ATXN10: variants seen among roughly 807,000 people sequenced by gnomAD.
ATXN10 encodes ataxin-10.
In ATXN10, 28 loss-of-function variants were observed where a neutral mutation model predicts 52.9. The ratio of observed to expected loss-of-function variants is 0.53; its 90% CI spans 0.39 to 0.73. The LOEUF (loss-of-function observed/expected upper bound fraction) is 0.73. Ranked by LOEUF, ATXN10 falls within the 30% of genes least tolerant of loss-of-function variation. The pLI, the probability that ATXN10 is intolerant of heterozygous loss-of-function variation, is 0.00. For synonymous variants in ATXN10, 226 were observed against 221.5 expected, an observed-to-expected ratio of 1.02 and a Z score of -0.18; for missense variants, 565 against 577.0, an observed-to-expected ratio of 0.98 and a Z score of 0.21.
intron 9 of ATXN10, among the ~76,000 whole-genome samples, chr22:45,761,944 G>A (rs1926406519): frequency 6.6e-6 from 1 of 152,186 alleles, no homozygotes; most frequent in African/African-American, 2.4e-5. Flanking sequence ...CTGGGATGAA[G>A]TAGTTGTGGT....
chr22:45,809,115 C>T (rs1234441839), intron 10 of ATXN10, among the ~76,000 whole-genome samples: 1 of 152,122 alleles, frequency 6.6e-6, no homozygotes, highest in Non-Finnish European at 1.5e-5. Flanking sequence ...GCCTTACAGC[C>T]TAGAGATTCA....
chr22:45,799,214 G>A (rs1331830089), intron 9 of ATXN10, among the ~76,000 whole-genome samples: 1 of 152,100 alleles, frequency 6.6e-6, no homozygotes, highest in African/African-American at 2.4e-5. Context: ...GGGATTACAG[G>A]CGCCTGCCAC....
At chr22:45,736,336 T>A (rs1925294837) in intron 7 of ATXN10, among the ~76,000 whole-genome samples, 2 of 151,828 alleles carry the variant, frequency 1.3e-5, no homozygotes, top group Non-Finnish European at 1.5e-5. Context: ...AGATAAGGAG[T>A]TTTCAGACAC....
At chr22:45,779,171 A>G (rs1018538223) in intron 9 of ATXN10, among the ~76,000 whole-genome samples, 11 of 152,176 alleles carry the variant, frequency 7.2e-5, no homozygotes, top group Non-Finnish European at 1.3e-4. Flanking sequence ...CCCTTTCATA[A>G]TGAAGCAACA....
At chr22:45,706,255 C>T (rs979963630) in intron 5 of ATXN10, among the ~76,000 whole-genome samples, 3 of 152,056 alleles carry the variant, frequency 2.0e-5, no homozygotes, top group Non-Finnish European at 4.4e-5. Context: ...TAGGAATGTC[C>T]CCTCTTCATT....
rs1012020071 is a variant in ATXN10 at position 45,671,933 on chromosome 22, G to A, written c.-131G>A. 8 of 1,047,242 alleles carry A rather than the reference G, an allele frequency of 7.6e-6. No homozygotes were observed. Among genetic ancestry groups the A allele is most frequent in the African/African-American group, 6.6e-5 (4 of 61,036 alleles). The allele number at this position is 1,047,242 out of a possible 1,614,324, so 64.9% of individuals were successfully genotyped here. On this transcript the variant is annotated 5_prime_UTR_variant, in exon 1 of 12. Transcript: ENST00000252934. ...AGCGCGGGCTGCAGCGGCGGCGGCG[G>A]TTAGGGCTGTGTAGGGCGAGGCCTC...
rs1465393661 is a variant in ATXN10, at chr22:45,818,631, G to GATCAGGT, written c.1237+11615_1237+11616insTATCAGG. On this transcript the variant is annotated intron_variant, in intron 10 of 11. Coordinates refer to ENST00000252934, the MANE Select transcript of ATXN10 (RefSeq NM_013236.4). This position sits in a 1 kb window ranked among gnomAD's most constrained non-coding sequence, Gnocchi z 4.6. ...TCAGGGATCAACAGCCTGGGGCAGG[G>GATCAGGT]ATCAGGGATCAGGGGGCAGGGATCA... Among the ~76,000 whole-genome samples the GATCAGGT allele has an allele frequency of 1.3e-5, 2 of 152,054 alleles. No individual in the cohort carries two copies. Among genetic ancestry groups the GATCAGGT allele is most frequent in the African/African-American group, 4.8e-5 (2 of 41,404 alleles).
At chr22:45,792,914 A>G (rs1373696996) in intron 9 of ATXN10, 6 of 439,456 alleles carry the variant, frequency 1.4e-5, no homozygotes, top group Admixed American at 7.7e-5. Flanking sequence ...TTATACCTAC[A>G]TAGGGAGCCA....
Position 45,712,617 on chromosome 22 carries a change from G to A in ATXN10, c.648-5796G>A, listed in dbSNP as rs772576299. 8.5e-5 allele frequency among the ~76,000 whole-genome samples: 13 copies of A among 152,286 alleles called. No individual in the cohort carries two copies. Among genetic ancestry groups the A allele is most frequent in the South Asian group, 2.1e-4 (1 of 4,820 alleles). ...TAGAGGACGACATTAAAGGAAGGGT[G>A]GCTGGGATGTGCGTGTGTGTAATAC... On this transcript the variant is annotated intron_variant, in intron 5 of 11. Coordinates refer to ENST00000252934, the MANE Select transcript of ATXN10 (RefSeq NM_013236.4). The surrounding 1 kb of genome is among the most constrained non-coding windows in gnomAD (Gnocchi z 4.6).
Position 45,786,246 on chromosome 22 carries a change from A to G in ATXN10, c.1174-20713A>G, listed in dbSNP as rs535771265. On this transcript the variant is annotated intron_variant, in intron 9 of 11. Coordinates refer to ENST00000252934, the MANE Select transcript of ATXN10 (RefSeq NM_013236.4). This position sits in a 1 kb window ranked among gnomAD's most constrained non-coding sequence, Gnocchi z 4.1. The stretch of plus-strand genomic sequence containing the variant: ...TACTTTAAGAGCCTCTGCCATTACT[A>G]TTCTTGAAAAGCATCTTTATTTTGT... Among the ~76,000 whole-genome samples the G allele has an allele frequency of 1.4e-3, 214 of 152,340 alleles. 6 individuals are homozygous for G. Among genetic ancestry groups the G allele is most frequent in the Non-Finnish European group, 1.8e-4 (12 of 68,032 alleles).
Position 45,769,129 on chromosome 22 carries a change from T to C in ATXN10, c.1173+28591T>C, listed in dbSNP as rs1477855183. Among the ~76,000 whole-genome samples the C allele has an allele frequency of 6.6e-6, 1 of 152,098 alleles. No homozygotes were observed. On this transcript the variant is annotated intron_variant, in intron 9 of 11. Transcript: ENST00000252934. The surrounding 1 kb of genome is among the most constrained non-coding windows in gnomAD (Gnocchi z 4.2). ...CCTCTCTCTGTACTTTGTGGTGTGT[T>C]TGGAAATTTTCATTTAAAAAAATGG... is the stretch of plus-strand genomic sequence containing the variant.
At position 45,693,063 on chromosome 22, in the gene ATXN10, G is replaced by A; in HGVS notation, c.376G>A (p.Glu126Lys). The A allele has an allele frequency of 6.2e-7, 1 of 1,613,754 alleles. No homozygotes were observed. The highest frequency in any genetic ancestry group is 8.5e-7 in the Non-Finnish European group (1 of 1,179,696). Residue 126 changes from glutamate (E) to lysine (K), a missense_variant, in exon 3 of 12, where the codon GAA becomes AAA. Coordinates refer to ENST00000252934, the MANE Select transcript of ATXN10 (RefSeq NM_013236.4). ...GTTTCGTGAACTGCGAGTGGAACAG[G>A]AATCTCTGTTGACAGGTAGCATGCA... ...LLFRELRVEQ[E>K]SLLTAFRCGL...
intron 3 of ATXN10, among the ~76,000 whole-genome samples, chr22:45,699,459 G>T (rs1353780739): frequency 2.1e-5 from 3 of 141,406 alleles, no homozygotes; most frequent in Non-Finnish European, 3.1e-5. Context: ...AAAATATTCA[G>T]TAGAAATCTT....
At chr22:45,812,800 G>A (rs1265441558) in intron 10 of ATXN10, among the ~76,000 whole-genome samples, 1 of 152,168 alleles carries the variant, frequency 6.6e-6, no homozygotes, top group Non-Finnish European at 1.5e-5. Context: ...TTGGATAGGA[G>A]TCTACCCGTG....
At chr22:45,681,000 T>G (rs1049006299) in intron 1 of ATXN10, among the ~76,000 whole-genome samples, 1 of 152,196 alleles carries the variant, frequency 6.6e-6, no homozygotes, top group Non-Finnish European at 1.5e-5. Flanking sequence ...TAGTTCTCCT[T>G]GATTGTCATT....
chr22:45,745,115 G>T (rs1173958775), intron 9 of ATXN10, among the ~76,000 whole-genome samples: 1 of 152,100 alleles, frequency 6.6e-6, no homozygotes, highest in Non-Finnish European at 1.5e-5. Context: ...GGTTTCTATT[G>T]TAAGAAGCAC....
chr22:45,712,647 C>T lies in ATXN10; in HGVS notation c.648-5766C>T, dbSNP rs1924294446. ...GGATGTGCGTGTGTGTAATACGTTT[C>T]CCCCAGTGCCTGGCACATGTAGATT... On this transcript the variant is annotated intron_variant, in intron 5 of 11. Coordinates refer to ENST00000252934, the MANE Select transcript of ATXN10 (RefSeq NM_013236.4). The surrounding 1 kb of genome is among the most constrained non-coding windows in gnomAD (Gnocchi z 4.6). Among the ~76,000 whole-genome samples, 1 of 152,116 alleles carries T rather than the reference C, an allele frequency of 6.6e-6. No homozygotes were observed. Among genetic ancestry groups the T allele is most frequent in the Admixed American group, 6.6e-5 (1 of 15,262 alleles).
In ATXN10 at chr22:45,718,499, C is replaced by A; in HGVS notation, c.728+6C>A. On this transcript the variant is annotated splice_donor_region_variant and intron_variant, in intron 6 of 11. Coordinates refer to ENST00000252934, the MANE Select transcript of ATXN10 (RefSeq NM_013236.4). This position sits in a 1 kb window ranked among gnomAD's most constrained non-coding sequence, Gnocchi z 4.4. ...AAACTGAACAATCAAGAAAGGTAACCCCCCAACCAGCGTGGTCTGGAGTAT... is the reference window on the plus strand; with the variant it reads ...AAACTGAACAATCAAGAAAGGTAACACCCCAACCAGCGTGGTCTGGAGTAT... 3.1e-6 allele frequency: 5 copies of A among 1,612,156 alleles called. No individual in the cohort carries two copies. The highest frequency in any genetic ancestry group is 4.2e-6 in the Non-Finnish European group (5 of 1,178,330).
chr22:45,721,477 G>C (rs944894829), intron 6 of ATXN10, among the ~76,000 whole-genome samples: 13 of 152,130 alleles, frequency 8.5e-5, no homozygotes, highest in African/African-American at 3.1e-4. Flanking sequence ...CCCCGTAAAC[G>C]TGTTGCAGGG....
Sources: allele counts gnomAD v4.1 joint callset (sites outside exome capture counted in the v4.1 genomes callset), GRCh38; gene constraint gnomAD v4.1.1; non-coding constraint Gnocchi (gnomAD v3.1); transcripts MANE v1.5; gene names NCBI Gene and HGNC (gene_info 2026-07-23, HGNC 2026-07-21).